Variants in PLPP3 observed in about 807,000 individuals in gnomAD.
The protein encoded by PLPP3 is phospholipid phosphatase 3.
Under a neutral mutation model 29.6 loss-of-function variants are expected in PLPP3, and 6 were observed. The ratio of observed to expected loss-of-function variants is 0.20; its 90% CI spans 0.11 to 0.40. PLPP3 has a LOEUF of 0.40. Ranked by LOEUF, PLPP3 falls within the 10% of genes least tolerant of loss-of-function variation. PLPP3 has a pLI of 1.00. For synonymous variants in PLPP3, 152 were observed against 159.7 expected (o/e 0.95, Z 0.36); for missense variants, 308 against 407.7 (o/e 0.76, Z 2.11).
Position 56,524,313 on chromosome 1 carries a change from C to T in PLPP3, c.539G>A (p.Arg180Lys), listed in dbSNP as rs1189598398. ...NCSEGYIQNY[R>K]CRGDDSKVQE... ...GACTTTGCTGTCATCACCTCTGCATCTGTAGTTCTGAATGTAGCCTTCAGA... is the reference window on the plus strand; with the variant it reads ...GACTTTGCTGTCATCACCTCTGCATTTGTAGTTCTGAATGTAGCCTTCAGA... Residue 180 changes from arginine (R) to lysine (K), a missense_variant, in exon 3 of 6, where the codon AGA becomes AAA. Around this residue, in one of 3 missense-constraint regions of PLPP3, gnomAD observed 232 missense variants for 317.2 expected, o/e 0.73. Coordinates refer to ENST00000371250, the MANE Select transcript of PLPP3 (RefSeq NM_003713.5). This position sits in a 1 kb window ranked among gnomAD's most constrained non-coding sequence, Gnocchi z 4.3. 2 of 1,613,982 alleles carry T rather than the reference C, an allele frequency of 1.2e-6. No individual in the cohort carries two copies. Among genetic ancestry groups the T allele is most frequent in the African/African-American group, 2.7e-5 (2 of 75,036 alleles).
chr1:56,521,672 G>C (rs948384515), intron 4 of PLPP3, among the ~76,000 whole-genome samples: 1 of 151,896 alleles, frequency 6.6e-6, no homozygotes, highest in Non-Finnish European at 1.5e-5. Flanking sequence ...TAAGTGCCGA[G>C]ATTACAGGTA....
rs1384966209 is a variant in PLPP3 at position 56,556,990 on chromosome 1, GAA to G, written c.140-19880_140-19879del. 4.1e-3 allele frequency among the ~76,000 whole-genome samples: 31 copies of G among 7,478 alleles called. 4 individuals carry two copies. The highest frequency in any genetic ancestry group is 9.0e-3 in the East Asian group (5 of 554). 4.9% of individuals were successfully genotyped at this position (7,478 alleles called of 152,430 possible). On this transcript the variant is annotated intron_variant, in intron 1 of 5. Coordinates refer to ENST00000371250, the MANE Select transcript of PLPP3 (RefSeq NM_003713.5). The stretch of plus-strand genomic sequence containing the variant: ...AGAAAGAAAGAAAGAAAGAAAGAAA[GAA>G]AGAAAGAAAGAAAGAAAGAGAGAGA...
chr1:56,578,214 C>A (rs1646249140), intron 1 of PLPP3, among the ~76,000 whole-genome samples: 1 of 152,192 alleles, frequency 6.6e-6, no homozygotes, highest in Non-Finnish European at 1.5e-5. Flanking sequence ...CTCATCACCC[C>A]TGCTGCACCG....
At position 56,578,918 on chromosome 1, in the gene PLPP3, C is replaced by T; in HGVS notation, c.99G>A (p.Arg33=). 6.2e-7 allele frequency: 1 copy of T among 1,604,064 alleles called. No homozygotes were observed. Among genetic ancestry groups the T allele is most frequent in the Non-Finnish European group, 8.5e-7 (1 of 1,176,470 alleles). ...NNNPRRSGSK[R]VLLICLDLFC... ...AGAGGTCGAGGCAGATGAGCAGCAC[C>T]CGCTTGCTGCCGCTCCTCCTCGGGT... Residue 33 remains arginine, a synonymous_variant, in exon 1 of 6, where the codon CGG becomes CGA. Transcript: ENST00000371250.
intron 4 of PLPP3, among the ~76,000 whole-genome samples, chr1:56,518,150 G>GA (rs938231669): frequency 6.6e-6 from 1 of 152,016 alleles, no homozygotes; most frequent in Non-Finnish European, 1.5e-5. Flanking sequence ...GATATAGGGA[G>GA]AAAAAAGAGG....
intron 1 of PLPP3, among the ~76,000 whole-genome samples, chr1:56,576,004 T>A (rs1324185808): frequency 6.6e-6 from 1 of 152,196 alleles, no homozygotes; most frequent in African/African-American, 2.4e-5. Flanking sequence ...AAGCAATTAA[T>A]CGGTAAAGAT....
At chr1:56,501,980 G>A (rs1176049785) in intron 5 of PLPP3, among the ~76,000 whole-genome samples, 1 of 152,156 alleles carries the variant, frequency 6.6e-6, no homozygotes, top group Non-Finnish European at 1.5e-5. Context: ...AGATGCTTCC[G>A]ATGTCTTACT....
chr1:56,542,457 T>G (rs1569894389), intron 1 of PLPP3, among the ~76,000 whole-genome samples: 1 of 152,178 alleles, frequency 6.6e-6, no homozygotes, highest in Non-Finnish European at 1.5e-5. Flanking sequence ...GAAGAAGGAA[T>G]CTTTGCATTT....
chr1:56,514,350 G>C (rs1409152107), intron 4 of PLPP3, among the ~76,000 whole-genome samples: 2 of 152,096 alleles, frequency 1.3e-5, no homozygotes, highest in Non-Finnish European at 2.9e-5. Flanking sequence ...GTGGCTCAGA[G>C]GCCTTCCACA....
intron 1 of PLPP3, among the ~76,000 whole-genome samples, chr1:56,571,071 C>A (rs1325629083): frequency 6.6e-6 from 1 of 152,192 alleles, no homozygotes; most frequent in African/African-American, 2.4e-5. Context: ...GGGAACTCTC[C>A]TCATGAATAA....
chr1:56,532,984 G>T (rs1645900289), intron 2 of PLPP3, among the ~76,000 whole-genome samples: 1 of 152,032 alleles, frequency 6.6e-6, no homozygotes. Context: ...TGTCCGCCTG[G>T]TGTTTAAGTA....
chr1:56,550,030 T>C (rs563124689), intron 1 of PLPP3, among the ~76,000 whole-genome samples: 92 of 152,188 alleles, frequency 6.0e-4, no homozygotes, highest in African/African-American at 2.1e-3. Flanking sequence ...CACAGAGAAG[T>C]AGGCCAGAAA....
In PLPP3 at chr1:56,496,542, G is replaced by A. The variant is rs1645632178; in HGVS notation, c.*9C>T. The A allele has an allele frequency of 1.2e-6, 2 of 1,613,746 alleles. No individual in the cohort carries two copies. Among genetic ancestry groups the A allele is most frequent in the East Asian group, 2.2e-5 (1 of 44,868 alleles). On this transcript the variant is annotated 3_prime_UTR_variant, in exon 6 of 6. Transcript: ENST00000371250. ...ATTTTACAAAAACAGCTCAGGAGGTGGGTGGCACCTACATCATGTTGTGGT... is the reference window on the plus strand; with the variant it reads ...ATTTTACAAAAACAGCTCAGGAGGTAGGTGGCACCTACATCATGTTGTGGT...
chr1:56,540,403 G>A (rs568289309), intron 1 of PLPP3, among the ~76,000 whole-genome samples: 3 of 152,078 alleles, frequency 2.0e-5, no homozygotes, highest in East Asian at 3.9e-4. Context: ...CATAGAGTCC[G>A]GGACACACTG....
chr1:56,532,069 T>C (rs984531941), intron 2 of PLPP3, among the ~76,000 whole-genome samples: 1 of 152,180 alleles, frequency 6.6e-6, no homozygotes, highest in Non-Finnish European at 1.5e-5. Flanking sequence ...TAAGGAAGAA[T>C]TGCTGCTGTT....
intron 1 of PLPP3, 42 bp from the exon 2 acceptor site, chr1:56,537,154 A>G (rs753968503): frequency 1.5e-5 from 23 of 1,576,658 alleles, no homozygotes; most frequent in Non-Finnish European, 2.0e-5. Context: ...AAAAAAAAAG[A>G]AAAAAAGGAA....
intron 5 of PLPP3, among the ~76,000 whole-genome samples, chr1:56,498,656 C>T (rs1290695242): frequency 4.7e-5 from 7 of 149,814 alleles, no homozygotes; most frequent in Non-Finnish European, 7.4e-5. Flanking sequence ...TTTTTTAAGA[C>T]GGAGTCTCAT....
chr1:56,522,192 G>C (rs974358378), intron 4 of PLPP3, among the ~76,000 whole-genome samples: 1 of 152,192 alleles, frequency 6.6e-6, no homozygotes, highest in Admixed American at 6.5e-5. Flanking sequence ...ACCTCATCAG[G>C]TCACTGAGAA....
chr1:56,542,692 G>A (rs745417636), intron 1 of PLPP3, among the ~76,000 whole-genome samples: 3 of 152,096 alleles, frequency 2.0e-5, no homozygotes, highest in Non-Finnish European at 4.4e-5. Flanking sequence ...TAGGCATCTG[G>A]TATAGCATAA....
Sources: allele counts gnomAD v4.1 joint callset (sites outside exome capture counted in the v4.1 genomes callset), GRCh38; gene constraint gnomAD v4.1.1; regional missense constraint gnomAD v4.1.1; non-coding constraint Gnocchi (gnomAD v3.1); transcripts MANE v1.5; gene names NCBI Gene and HGNC (gene_info 2026-07-23, HGNC 2026-07-21).